Variants in SLC12A9 observed in about 807,000 individuals in gnomAD.
SLC12A9 encodes solute carrier family 12 member 9.
A neutral mutation model predicts 66.0 loss-of-function variants in SLC12A9; 55 were observed. The observed-to-expected ratio is 0.83, with a 90% confidence interval of 0.67 to 1.04. The LOEUF (loss-of-function observed/expected upper bound fraction) is 1.04. Ranked by LOEUF, SLC12A9 falls within the 50% of genes least tolerant of loss-of-function variation. The probability of loss-of-function intolerance (pLI) is 0.00; values close to 1 mark genes in which losing one functional copy is unlikely to be tolerated. For synonymous variants in SLC12A9, 577 were observed against 569.0 expected (o/e 1.01, Z -0.20); for missense variants, 1,061 against 1,241.9 (o/e 0.85, Z 2.19).
chr7:100,866,601 T>G lies in SLC12A9; in HGVS notation c.2741T>G (p.Leu914Arg). The G allele has an allele frequency of 6.4e-7, 1 of 1,563,390 alleles. No homozygotes were observed. The highest frequency in any genetic ancestry group is 1.2e-5 in the South Asian group (1 of 85,162). ...HGVTPVTCTDL is the reference protein window; with the variant it reads ...HGVTPVTCTDR ...GTCACTCCAGTCACCTGCACTGATCTGTGATGCCCCTGCCTCCAGGGCTAG... is the reference window on the plus strand; with the variant it reads ...GTCACTCCAGTCACCTGCACTGATCGGTGATGCCCCTGCCTCCAGGGCTAG... Residue 914 changes from leucine to arginine, a missense_variant, in exon 14 of 14, where the codon CTG (leucine) becomes CGG (arginine). Physicochemically the swap from Leu to Arg is moderately radical, Grantham distance 102 (BLOSUM62 -2). Coordinates refer to ENST00000354161, the MANE Select transcript of SLC12A9 (RefSeq NM_020246.4). This position sits in a 1 kb window ranked among gnomAD's most constrained non-coding sequence, Gnocchi z 7.3.
chr7:100,865,689 C>G (rs1562998219), intron 13 of SLC12A9, 30 bp from the exon 14 acceptor site: 1 of 1,580,196 alleles, frequency 6.3e-7, no homozygotes. Context: ...TGACTCCTGT[C>G]TGTTCCTGCC....
chr7:100,835,208 T>C (rs1482333691), intron 1 of SLC12A9, among the ~76,000 whole-genome samples: 1 of 150,862 alleles, frequency 6.6e-6, no homozygotes, highest in African/African-American at 2.4e-5. Context: ...ACACAAAAAT[T>C]AGCTGGGCAT....
At chr7:100,863,549 G>A (rs938862716) in intron 13 of SLC12A9, among the ~76,000 whole-genome samples, 8 of 152,290 alleles carry the variant, frequency 5.3e-5, no homozygotes, top group Admixed American at 1.3e-4. Flanking sequence ...AAGGTTTTGC[G>A]GAGAGATGGT....
chr7:100,857,241 C>T lies in SLC12A9; in HGVS notation c.757+65C>T, dbSNP rs540714023. ...GGGTGGGCAGACGTCGGGCCGGGCC[C>T]GTAAAACCTCTGGATGAGCACAGGT... On this transcript the variant is annotated intron_variant, in intron 5 of 13. Transcript: ENST00000354161. 140 of 1,527,540 alleles carry T rather than the reference C, an allele frequency of 9.2e-5. No homozygotes were observed. In the African/African-American group the frequency reaches 1.1e-3, roughly 11 times the overall value. The allele number at this position is 1,527,540 out of a possible 1,614,324, so 94.6% of individuals were successfully genotyped here. A position where few individuals can be genotyped will look rare whatever the true frequency, so the allele number is the denominator to read the frequency against.
Position 100,861,525 on chromosome 7 carries a change from AC to A in SLC12A9, c.1479del (p.Ala494ArgfsTer34). 1 of 1,613,558 alleles carries A rather than the reference AC, an allele frequency of 6.2e-7. No individual in the cohort carries two copies. The highest frequency in any genetic ancestry group is 8.5e-7 in the Non-Finnish European group (1 of 1,179,950). On this transcript the variant is annotated frameshift_variant, in exon 11 of 14. Transcript: ENST00000354161. LOFTEE classifies it high-confidence loss of function. This position sits in a 1 kb window ranked among gnomAD's most constrained non-coding sequence, Gnocchi z 5.3. ...LLMGLLAALLTARGGPSSWGY... is the reference protein window; with the variant it reads ...LLMGLLAALLXARGGPSSWGY... ...CATGGGTCTGCTGGCTGCCCTGCTC[AC>A]CGCGCGAGGAGGCCCCAGTAGCTGG...
upstream of SLC12A9, among the ~76,000 whole-genome samples, chr7:100,851,425 GTT>G (rs1212494855): frequency 7.4e-5 from 10 of 135,602 alleles, no homozygotes; most frequent in Non-Finnish European, 8.1e-5. Flanking sequence ...CCCTGAAAAA[GTT>G]TTTTTTTTTT....
intron 1 of SLC12A9, among the ~76,000 whole-genome samples, chr7:100,846,974 C>T (rs1410760706): frequency 2.2e-4 from 33 of 152,060 alleles, no homozygotes; most frequent in Admixed American, 2.1e-3. Flanking sequence ...GTGCATGCAG[C>T]CCCCAGTCAC....
chr7:100,828,871 G>T (rs986902823), intron 1 of SLC12A9, among the ~76,000 whole-genome samples: 2 of 152,148 alleles, frequency 1.3e-5, no homozygotes, highest in African/African-American at 4.8e-5. Context: ...CTACTTCAGG[G>T]AACTTAACAG....
At chr7:100,854,933 G>A (rs917764924) in intron 3 of SLC12A9, among the ~76,000 whole-genome samples, 179 bp downstream of exon 3, 5 of 152,106 alleles carry the variant, frequency 3.3e-5, no homozygotes, top group Non-Finnish European at 7.4e-5. Context: ...GGAGGCTGAG[G>A]TGGGTGGATC....
At chr7:100,860,746 G>A (rs1308456031) in intron 9 of SLC12A9, 11 of 384,950 alleles carry the variant, frequency 2.9e-5, no homozygotes, top group Non-Finnish European at 4.0e-5. Flanking sequence ...ACTTTGGGGT[G>A]CACTGGCACT....
Position 100,859,938 on chromosome 7 carries a change from C to A in SLC12A9, c.1031C>A (p.Pro344Gln). Reference protein sequence around the residue: ...GFFRAISLWPPLVLIGIYATA... With the variant: ...GFFRAISLWPQLVLIGIYATA... ...TTCCGCGCCATCAGCCTGTGGCCCC[C>A]ACTGGTGTTGATCGGAATCTATGCC... is the stretch of plus-strand genomic sequence containing the variant. The change falls in exon 8 of 14, where the codon CCA becomes CAA. Residue 344 changes from proline to glutamine, a missense_variant. Transcript: ENST00000354161. 6.2e-7 allele frequency: 1 copy of A among 1,611,814 alleles called. No homozygotes were observed. Among genetic ancestry groups the A allele is most frequent in the Non-Finnish European group, 8.5e-7 (1 of 1,178,050 alleles).
In SLC12A9 at chr7:100,861,173, T is replaced by C. The variant is rs314378; in HGVS notation, c.1254T>C (p.Ala418=). Reference sequence around the variant, plus strand: ...TGGCTGGGAAGCTGAACACACTGGCTGCTGTGGTCACTGTCTTCTACCTGG... The same window carrying C: ...TGGCTGGGAAGCTGAACACACTGGCCGCTGTGGTCACTGTCTTCTACCTGG... ...VLLAGKLNTL[A]AVVTVFYLVA... Residue 418 remains alanine (A), a synonymous_variant, in exon 10 of 14, where the codon GCT becomes GCC. Transcript: ENST00000354161. The surrounding 1 kb of genome is among the most constrained non-coding windows in gnomAD (Gnocchi z 5.3). 0.53 allele frequency: 861,028 copies of C among 1,613,964 alleles called. 233,806 individuals are homozygous for C. The highest frequency in any genetic ancestry group is 0.82 in the East Asian group (36,708 of 44,866).
At chr7:100,849,644 T>G (rs1814013807), upstream of SLC12A9, among the ~76,000 whole-genome samples, 1 of 149,702 alleles carries the variant, frequency 6.7e-6, no homozygotes, top group African/African-American at 2.5e-5. Context: ...GAACCTGGGA[T>G]GCGGAGGGTG....
intron 13 of SLC12A9, 187 bp from the exon 14 acceptor site, chr7:100,865,532 G>C: frequency 1.3e-6 from 2 of 1,559,698 alleles, no homozygotes; most frequent in African/African-American, 1.4e-5. Context: ...AAATGCATGT[G>C]AAAGTGTTTA....
In SLC12A9 at chr7:100,861,284, C is replaced by T. The variant is rs1304232352; in HGVS notation, c.1343+22C>T. On this transcript the variant is annotated intron_variant, in intron 10 of 13. Transcript: ENST00000354161. This position sits in a 1 kb window ranked among gnomAD's most constrained non-coding sequence, Gnocchi z 5.3. ...TCCGGTGAGAGACTCAGATCTGTGTCCCCAGAGAGAAGAAGGGAGGACTCG... is the reference window on the plus strand; with the variant it reads ...TCCGGTGAGAGACTCAGATCTGTGTTCCCAGAGAGAAGAAGGGAGGACTCG... 11 of 1,614,048 alleles carry T rather than the reference C, an allele frequency of 6.8e-6. No individual in the cohort carries two copies. The highest frequency in any genetic ancestry group is 2.2e-5 in the East Asian group (1 of 44,874).
chr7:100,831,758 A>T (rs931606769), intron 1 of SLC12A9, among the ~76,000 whole-genome samples: 2 of 152,110 alleles, frequency 1.3e-5, no homozygotes, highest in African/African-American at 4.8e-5. Flanking sequence ...AAATTGTTGA[A>T]CTTCTCATTA....
In SLC12A9 at chr7:100,855,851, C is replaced by G; in HGVS notation, c.448+14C>G. On this transcript the variant is annotated intron_variant, in intron 4 of 13. Coordinates refer to ENST00000354161, the MANE Select transcript of SLC12A9 (RefSeq NM_020246.4). ...TCTTCGGGGCCGGTCTGTGCTCTGT[C>G]CGATCTGGGCAGTGCTGCGGGTTTA... 6.3e-7 allele frequency: 1 copy of G among 1,590,604 alleles called. No homozygotes were observed. Among genetic ancestry groups the G allele is most frequent in the Non-Finnish European group, 8.6e-7 (1 of 1,167,776 alleles).
At chr7:100,829,516 G>A (rs911787264) in intron 1 of SLC12A9, among the ~76,000 whole-genome samples, 1 of 152,120 alleles carries the variant, frequency 6.6e-6, no homozygotes, top group African/African-American at 2.4e-5. Context: ...CCCGGGTTGG[G>A]GGGGGTGGGC....
chr7:100,856,249 C>G (rs1377935215), intron 4 of SLC12A9: 2 of 169,242 alleles, frequency 1.2e-5, no homozygotes, highest in Admixed American at 1.1e-4. Flanking sequence ...GCTTTGTTGC[C>G]CAGGCTGGAG....
Sources: gnomAD v4.1 joint callset for allele counts (sites outside exome capture counted in the v4.1 genomes callset) on GRCh38, gnomAD v4.1.1 for gene constraint, Gnocchi (gnomAD v3.1) non-coding constraint, MANE v1.5 for transcripts, NCBI Gene and HGNC (gene_info 2026-07-23, HGNC 2026-07-21) for gene names.